The following CELSR1 variants were observed in gnomAD, a reference collection of about 807,000 sequenced individuals.
CELSR1 encodes the protein adhesion G protein-coupled receptor C1.
Under a neutral mutation model 249.1 loss-of-function variants are expected in CELSR1, and 110 were observed. The observed-to-expected ratio is 0.44, with a 90% confidence interval of 0.38 to 0.52. The LOEUF is 0.52. Ranked by LOEUF, CELSR1 falls within the 20% of genes least tolerant of loss-of-function variation. The pLI is 0.00. For missense variants in CELSR1, 4,109 were observed against 4,296.4 expected (o/e 0.96, Z 1.22); for synonymous variants, 2,113 against 1,900.0 (o/e 1.11, Z -2.92).
Position 46,396,132 on chromosome 22 carries a change from C to G in CELSR1, c.5843+473G>C, listed in dbSNP as rs139564949. Among the ~76,000 whole-genome samples, 1,344 of 152,270 alleles carry G rather than the reference C, an allele frequency of 8.8e-3. 25 individuals are homozygous for G. Among genetic ancestry groups the G allele is most frequent in the African/African-American group, 0.03 (1,260 of 41,548 alleles). On this transcript the variant is annotated intron_variant, in intron 13 of 34. Coordinates refer to ENST00000674500, the MANE Select transcript of CELSR1 (RefSeq NM_001378328.1). This position sits in a 1 kb window ranked among gnomAD's most constrained non-coding sequence, Gnocchi z 6.4. ...TCCAAATTGATTCTCATTGCCCAAG[C>G]GTGGTGGCTCACACCCGTAATCCCA...
At position 46,500,994 on chromosome 22, in the gene CELSR1, G is replaced by GTTTA. The variant is rs981743658; in HGVS notation, c.3544+32629_3544+32632dup. 4.0e-5 allele frequency among the ~76,000 whole-genome samples: 6 copies of GTTTA among 151,640 alleles called. No individual in the cohort carries two copies. Among genetic ancestry groups the GTTTA allele is most frequent in the Non-Finnish European group, 7.4e-5 (5 of 67,926 alleles). ...TGTTAAGATGTTTCCACTAAGAAAA[G>GTTTA]TTTATTTATTTATTTATTTTATTTT... On this transcript the variant is annotated intron_variant, in intron 1 of 34. Coordinates refer to ENST00000674500, the MANE Select transcript of CELSR1 (RefSeq NM_001378328.1). The surrounding 1 kb of genome is among the most constrained non-coding windows in gnomAD (Gnocchi z 4.9).
rs11341314 is a variant in CELSR1 at position 46,504,504 on chromosome 22, C to CAAA, written c.3544+29120_3544+29122dup. 9.4e-3 allele frequency among the ~76,000 whole-genome samples: 1,027 copies of CAAA among 109,248 alleles called. 13 individuals are homozygous for CAAA. The highest frequency in any genetic ancestry group is 0.035 in the African/African-American group (972 of 28,048). 71.7% of individuals were successfully genotyped at this position (109,248 alleles called of 152,430 possible). A position where few individuals can be genotyped will look rare whatever the true frequency, so the allele number is the denominator to read the frequency against. Reference sequence around the variant, plus strand: ...ATCCCAGCCTGGCGACATCTGTCTCCAAAAAAAAAAAAAAAACAAAAAAAA... The same window carrying CAAA: ...ATCCCAGCCTGGCGACATCTGTCTCCAAAAAAAAAAAAAAAAAAACAAAAAAAA... On this transcript the variant is annotated intron_variant, in intron 1 of 34. Transcript: ENST00000674500.
chr22:46,389,584 C>T, intron 17 of CELSR1, 85 bp from the exon 18 acceptor site: 1 of 1,356,974 alleles, frequency 7.4e-7, no homozygotes, highest in South Asian at 1.2e-5. Context: ...TCACTACTGT[C>T]TGGTGCAAGT....
chr22:46,524,208 T>C (rs9615377), intron 1 of CELSR1, among the ~76,000 whole-genome samples: 45,369 of 152,126 alleles, frequency 0.3, 8,360 homozygotes, highest in African/African-American at 0.52. Flanking sequence ...ATGGGGATCC[T>C]GTAAGATTTC....
At chr22:46,373,485 G>A (rs1456220767) in intron 24 of CELSR1, among the ~76,000 whole-genome samples, 1 of 146,612 alleles carries the variant, frequency 6.8e-6, no homozygotes, top group Non-Finnish European at 1.5e-5. Context: ...AGTGCTCTGG[G>A]GTGGGGGGGG....
At position 46,369,394 on chromosome 22, in the gene CELSR1, C is replaced by T. The variant is rs540161483; in HGVS notation, c.7873-136G>A. The T allele has an allele frequency of 1.1e-3, 793 of 724,602 alleles. 4 individuals are homozygous for T. In the African/African-American group the frequency reaches 0.012, roughly 11 times the overall value. The allele number at this position is 724,602 out of a possible 1,614,324, so 44.9% of individuals were successfully genotyped here. ...AGGACCCGAACCCTGGCCTGTGGGGCGAAGCACACCTGTCCACCCACTGCC... is the reference window on the plus strand; with the variant it reads ...AGGACCCGAACCCTGGCCTGTGGGGTGAAGCACACCTGTCCACCCACTGCC... On this transcript the variant is annotated intron_variant, in intron 26 of 34. Transcript: ENST00000674500.
chr22:46,414,343 T>C lies in CELSR1; in HGVS notation c.4612-2584A>G, dbSNP rs548265852. 3.9e-5 allele frequency among the ~76,000 whole-genome samples: 6 copies of C among 152,296 alleles called. No homozygotes were observed. The South Asian group carries it at 1.2e-3, about 32-fold the overall frequency. Reference sequence around the variant, plus strand: ...AGCCGAATGTTCTCAGGTGGAGAGCTGGAAGAACCAGCAGGAGGGCTGCAC... The same window carrying C: ...AGCCGAATGTTCTCAGGTGGAGAGCCGGAAGAACCAGCAGGAGGGCTGCAC... On this transcript the variant is annotated intron_variant, in intron 5 of 34. Transcript: ENST00000674500.
chr22:46,422,780 A>T (rs2079492222), intron 5 of CELSR1, among the ~76,000 whole-genome samples: 1 of 148,576 alleles, frequency 6.7e-6, no homozygotes, highest in South Asian at 2.1e-4. Flanking sequence ...AAAAAAAAAA[A>T]TGGCTCATAG....
intron 1 of CELSR1, among the ~76,000 whole-genome samples, chr22:46,522,208 C>G (rs1191050987): frequency 2.6e-5 from 4 of 152,180 alleles, no homozygotes; most frequent in African/African-American, 7.2e-5. Flanking sequence ...TCACTGCAAC[C>G]TCCACCTCCC....
rs887036077 is a variant in CELSR1, at chr22:46,445,809, G to A, written c.4184-6398C>T. Among the ~76,000 whole-genome samples the A allele has an allele frequency of 6.6e-6, 1 of 152,144 alleles. No homozygotes were observed. Among genetic ancestry groups the A allele is most frequent in the East Asian group, 1.9e-4 (1 of 5,182 alleles). On this transcript the variant is annotated intron_variant, in intron 2 of 34. Transcript: ENST00000674500. The surrounding 1 kb of genome is among the most constrained non-coding windows in gnomAD (Gnocchi z 4.4). The stretch of plus-strand genomic sequence containing the variant: ...GAGGTGGAAGCGTCCAGGACTCCCC[G>A]GGTGCTGTTCTCCCTGCTTGCAGGA...
At chr22:46,494,353 T>A (rs1316167168) in intron 1 of CELSR1, among the ~76,000 whole-genome samples, 1 of 152,190 alleles carries the variant, frequency 6.6e-6, no homozygotes, top group Non-Finnish European at 1.5e-5. Flanking sequence ...GATTGTCAAT[T>A]TTTTTCAACT....
At chr22:46,439,455 G>C in intron 2 of CELSR1, 44 bp from the exon 3 acceptor site, 1 of 1,537,728 alleles carries the variant, frequency 6.5e-7, no homozygotes, top group Non-Finnish European at 8.8e-7. Flanking sequence ...TTACCGACCA[G>C]CCAGGGAAAA....
chr22:46,439,045 A>G (rs1029154018), intron 3 of CELSR1, 144 bp downstream of exon 3: 9 of 796,366 alleles, frequency 1.1e-5, no homozygotes, highest in South Asian at 1.1e-4. Flanking sequence ...GGCGTGAGCC[A>G]CCGCGCCTGG....
intron 1 of CELSR1, among the ~76,000 whole-genome samples, chr22:46,508,935 C>T (rs990148356): frequency 1.3e-5 from 2 of 152,172 alleles, no homozygotes; most frequent in African/African-American, 2.4e-5. Flanking sequence ...AAAGCAACCC[C>T]GAGCTCCCAG....
At position 46,506,737 on chromosome 22, in the gene CELSR1, T is replaced by C. The variant is rs963057838; in HGVS notation, c.3544+26890A>G. 6.6e-6 allele frequency among the ~76,000 whole-genome samples: 1 copy of C among 152,204 alleles called. No homozygotes were observed. The highest frequency in any genetic ancestry group is 1.5e-5 in the Non-Finnish European group (1 of 68,050). ...CGAGAGTTACGTTCTAATTTTAAGA[T>C]CTCTGTGCCACCATCCAAATGTGGA... On this transcript the variant is annotated intron_variant, in intron 1 of 34. Transcript: ENST00000674500. The surrounding 1 kb of genome is among the most constrained non-coding windows in gnomAD (Gnocchi z 4.1).
rs769137955 is a variant in CELSR1 at position 46,485,366 on chromosome 22, G to A, written c.3545-21021C>T. ...TTCCTCTTCCCAGGCCTTTGTGAGT[G>A]GCGCCCCCAACTCCCTCTCCCTGAG... On this transcript the variant is annotated intron_variant, in intron 1 of 34. Transcript: ENST00000674500. Among the ~76,000 whole-genome samples the A allele has an allele frequency of 2.6e-5, 4 of 152,040 alleles. No individual in the cohort carries two copies. The South Asian group carries it at 8.3e-4, about 32-fold the overall frequency.
At chr22:46,467,089 G>T (rs958867792) in intron 1 of CELSR1, among the ~76,000 whole-genome samples, 2 of 152,192 alleles carry the variant, frequency 1.3e-5, no homozygotes, top group Non-Finnish European at 2.9e-5. Context: ...TTTTTAAATG[G>T]CAGCCCTAGC....
chr22:46,383,059 C>G (rs1476217527), intron 20 of CELSR1, among the ~76,000 whole-genome samples: 1 of 152,190 alleles, frequency 6.6e-6, no homozygotes, highest in Non-Finnish European at 1.5e-5. Flanking sequence ...TCGGAGGTGT[C>G]TGGGTCATGG....
intron 23 of CELSR1, 109 bp from the exon 24 acceptor site, chr22:46,377,370 T>C: frequency 8.0e-7 from 1 of 1,255,984 alleles, no homozygotes; most frequent in Admixed American, 2.0e-5. Context: ...CGATCAAGGC[T>C]GGCAGGATCA....
Sources: allele counts gnomAD v4.1 joint callset (sites outside exome capture counted in the v4.1 genomes callset), GRCh38; gene constraint gnomAD v4.1.1; non-coding constraint Gnocchi (gnomAD v3.1); transcripts MANE v1.5; gene names NCBI Gene and HGNC (gene_info 2026-07-23, HGNC 2026-07-21).